PLEKHA7: variants seen among roughly 807,000 people sequenced by gnomAD.
The protein encoded by PLEKHA7 is pleckstrin homology domain-containing family A member 7.
PLEKHA7 carries 104 observed loss-of-function variants against 170.0 expected under a neutral mutation model. The observed-to-expected ratio is 0.61, with a 90% confidence interval of 0.52 to 0.72. The LOEUF (loss-of-function observed/expected upper bound fraction) is 0.72. Among genes scored for constraint, PLEKHA7 ranks in the 30% least tolerant of loss-of-function variants. The pLI is 0.00. For missense variants in PLEKHA7, 1,615 were observed against 1,671.7 expected (o/e 0.97, Z 0.59); for synonymous variants, 648 against 660.8 (o/e 0.98, Z 0.30).
intron 3 of PLEKHA7, among the ~76,000 whole-genome samples, chr11:16,877,234 C>T (rs942113771): frequency 6.6e-6 from 1 of 151,984 alleles, no homozygotes; most frequent in Non-Finnish European, 1.5e-5. Flanking sequence ...TGCCCCCAGG[C>T]TTGTAAAGCC....
At chr11:16,971,135 G>A (rs188475832) in intron 3 of PLEKHA7, among the ~76,000 whole-genome samples, 2 of 152,292 alleles carry the variant, frequency 1.3e-5, no homozygotes, top group Admixed American at 1.3e-4. Flanking sequence ...CACAAAGAAA[G>A]CACTTCAGTC....
At chr11:16,847,420 T>C (rs1391671304) in intron 8 of PLEKHA7, among the ~76,000 whole-genome samples, 1 of 152,096 alleles carries the variant, frequency 6.6e-6, no homozygotes, top group Non-Finnish European at 1.5e-5. Flanking sequence ...AGTAAAGGCC[T>C]ATAGGCAAGA....
chr11:16,937,111 A>G lies in PLEKHA7; in HGVS notation c.222-65929T>C, dbSNP rs184417516. Among the ~76,000 whole-genome samples, 375 of 152,348 alleles carry G rather than the reference A, an allele frequency of 2.5e-3. 3 individuals carry two copies. Among genetic ancestry groups the G allele is most frequent in the Non-Finnish European group, 1.6e-3 (109 of 68,036 alleles). On this transcript the variant is annotated intron_variant, in intron 3 of 26. Coordinates refer to ENST00000531066, the MANE Select transcript of PLEKHA7 (RefSeq NM_001329630.2). ...GTTATTAACAATCTCCAAATTGTTAATAACCGTGGAGTAAAATGAGCTTGG... is the reference window on the plus strand; with the variant it reads ...GTTATTAACAATCTCCAAATTGTTAGTAACCGTGGAGTAAAATGAGCTTGG...
At chr11:16,956,151 G>A (rs1861688617) in intron 3 of PLEKHA7, among the ~76,000 whole-genome samples, 3 of 152,188 alleles carry the variant, frequency 2.0e-5, no homozygotes, top group Admixed American at 2.0e-4. Context: ...GCTCAGAGGA[G>A]TATGTACGTA....
chr11:16,899,943 G>A (rs1369797990), intron 3 of PLEKHA7, among the ~76,000 whole-genome samples: 1 of 152,200 alleles, frequency 6.6e-6, no homozygotes, highest in African/African-American at 2.4e-5. Flanking sequence ...GAGCCCAGGT[G>A]CTAGGGGTAG....
chr11:16,958,391 AT>A (rs370962913), intron 3 of PLEKHA7, among the ~76,000 whole-genome samples: 85 of 152,278 alleles, frequency 5.6e-4, no homozygotes, highest in African/African-American at 1.9e-3. Context: ...TATTTATGGG[AT>A]TTTTTAAGTA....
chr11:16,888,336 G>A (rs546492842), intron 3 of PLEKHA7, among the ~76,000 whole-genome samples: 24 of 10,662 alleles, frequency 2.3e-3, no homozygotes, highest in Non-Finnish European at 4.2e-3. Flanking sequence ...ACCCCGTCTG[G>A]GAGGTGTACC....
intron 8 of PLEKHA7, among the ~76,000 whole-genome samples, chr11:16,846,953 T>A (rs971408930): frequency 2.0e-5 from 3 of 151,850 alleles, no homozygotes; most frequent in South Asian, 2.1e-4. Context: ...GCTGTGGAAG[T>A]AGAGAAGAAG....
chr11:17,013,883 G>C (rs961871587), intron 3 of PLEKHA7, 106 bp downstream of exon 3: 3 of 1,266,580 alleles, frequency 2.4e-6, no homozygotes, highest in Non-Finnish European at 3.1e-6. Flanking sequence ...GCGCGCCAAC[G>C]AGCCCGGGCC....
At chr11:17,002,571 C>T (rs1187304192) in intron 3 of PLEKHA7, among the ~76,000 whole-genome samples, 2 of 152,170 alleles carry the variant, frequency 1.3e-5, no homozygotes, top group South Asian at 2.1e-4. Flanking sequence ...CCACTCCCTG[C>T]CCCCATCAGC....
At chr11:17,005,369 T>C (rs1029522488) in intron 3 of PLEKHA7, among the ~76,000 whole-genome samples, 1 of 152,144 alleles carries the variant, frequency 6.6e-6, no homozygotes, top group African/African-American at 2.4e-5. Context: ...CCGTCTCTAC[T>C]AAAGATACAA....
chr11:16,789,885 G>A lies in PLEKHA7; in HGVS notation c.3053-7C>T, dbSNP rs756419388. On this transcript the variant is annotated splice_polypyrimidine_tract_variant and splice_region_variant and intron_variant, in intron 21 of 26. Transcript: ENST00000531066. The surrounding 1 kb of genome is among the most constrained non-coding windows in gnomAD (Gnocchi z 4.6). ...GACGTGGACCCTGAGAGCCCTTAGT[G>A]AGGAAAGAGAAGTGCAAGCATGTTT... 3 of 1,612,328 alleles carry A rather than the reference G, an allele frequency of 1.9e-6. No individual in the cohort carries two copies. The highest frequency in any genetic ancestry group is 1.1e-5 in the South Asian group (1 of 91,042).
At position 16,961,920 on chromosome 11, in the gene PLEKHA7, T is replaced by C. The variant is rs573184111; in HGVS notation, c.221+52069A>G. ...TGAGATAACATGAGTAAAACACCTA[T>C]GGAAGGGTCTGGCACATAGTAAGTG... On this transcript the variant is annotated intron_variant, in intron 3 of 26. Transcript: ENST00000531066. Among the ~76,000 whole-genome samples the C allele has an allele frequency of 5.3e-5, 8 of 152,276 alleles. No homozygotes were observed. The South Asian group carries it at 1.5e-3, about 28-fold the overall frequency.
intron 8 of PLEKHA7, among the ~76,000 whole-genome samples, chr11:16,850,215 CT>C (rs1191949387): frequency 9.2e-5 from 14 of 152,214 alleles, no homozygotes; most frequent in Admixed American, 4.6e-4. Flanking sequence ...GTTTTATGAC[CT>C]ACTGTCTAGT....
chr11:16,791,076 T>C lies in PLEKHA7; in HGVS notation c.2869A>G (p.Lys957Glu). The change falls in exon 20 of 27, where the codon AAG becomes GAG. Residue 957 changes from lysine (K) to glutamate (E), a missense_variant. Coordinates refer to ENST00000531066, the MANE Select transcript of PLEKHA7 (RefSeq NM_001329630.2). This position sits in a 1 kb window ranked among gnomAD's most constrained non-coding sequence, Gnocchi z 4.5. ...IIRHTSVRGL[K>E]RQSDERKRDR... ...CGCTTCCTCTCGTCTGACTGCCGCTTGAGGCCCCGCACAGATGTGTGCCGG... is the reference window on the plus strand; with the variant it reads ...CGCTTCCTCTCGTCTGACTGCCGCTCGAGGCCCCGCACAGATGTGTGCCGG... 6.2e-7 allele frequency: 1 copy of C among 1,614,116 alleles called. No individual in the cohort carries two copies. Among genetic ancestry groups the C allele is most frequent in the Non-Finnish European group, 8.5e-7 (1 of 1,180,022 alleles).
intron 3 of PLEKHA7, among the ~76,000 whole-genome samples, chr11:16,967,399 GC>G (rs1565164046): frequency 6.6e-6 from 1 of 152,216 alleles, no homozygotes; most frequent in African/African-American, 2.4e-5. Context: ...TTCTCTTATA[GC>G]AAAATAAGCA....
intron 4 of PLEKHA7, among the ~76,000 whole-genome samples, chr11:16,859,505 G>A (rs894128476): frequency 6.6e-6 from 1 of 152,208 alleles, no homozygotes; most frequent in Non-Finnish European, 1.5e-5. Context: ...ACCACAATGG[G>A]TAATGAGCAG....
intron 3 of PLEKHA7, among the ~76,000 whole-genome samples, chr11:16,925,364 C>T (rs955037872): frequency 2.6e-5 from 4 of 152,224 alleles, no homozygotes; most frequent in Admixed American, 2.6e-4. Context: ...GAAACTCCAG[C>T]GGCCAGCTAC....
chr11:16,783,969 A>G (rs1849233417), intron 24 of PLEKHA7, 136 bp from the exon 25 acceptor site: 1 of 969,818 alleles, frequency 1.0e-6, no homozygotes, highest in Non-Finnish European at 1.4e-6. Context: ...CTAAGATCAC[A>G]AAATTAGTCA....
Sources: allele counts gnomAD v4.1 joint callset (sites outside exome capture counted in the v4.1 genomes callset), GRCh38; gene constraint gnomAD v4.1.1; non-coding constraint Gnocchi (gnomAD v3.1); transcripts MANE v1.5; gene names NCBI Gene and HGNC (gene_info 2026-07-23, HGNC 2026-07-21).